OLFM3: variants seen among roughly 807,000 people sequenced by gnomAD.
OLFM3 encodes noelin-3.
Under a neutral mutation model 48.6 loss-of-function variants are expected in OLFM3, and 20 were observed. The ratio of observed to expected loss-of-function variants is 0.41; its 90% confidence interval spans 0.29 to 0.60. The LOEUF (loss-of-function observed/expected upper bound fraction) is 0.60, where lower values mean the gene tolerates loss of function less well. Among genes scored for constraint, OLFM3 ranks in the 20% least tolerant of loss-of-function variants. The pLI, the probability that OLFM3 is intolerant of heterozygous loss-of-function variation, is 0.28. For missense variants in OLFM3, 437 were observed against 544.3 expected, an observed-to-expected ratio of 0.80 and a Z score of 1.96; for synonymous variants, 222 against 198.1, an observed-to-expected ratio of 1.12 and a Z score of -1.01.
At chr1:101,931,322 C>A (rs979638903) in intron 1 of OLFM3, among the ~76,000 whole-genome samples, 7 of 152,162 alleles carry the variant, frequency 4.6e-5, no homozygotes, top group Non-Finnish European at 1.0e-4. Context: ...AGAAATCTAT[C>A]TTGTACTTTC....
At chr1:101,933,796 T>C (rs1659529370) in intron 1 of OLFM3, among the ~76,000 whole-genome samples, 1 of 151,960 alleles carries the variant, frequency 6.6e-6, no homozygotes, top group East Asian at 1.9e-4. Flanking sequence ...AAGAAGAGAC[T>C]GGGGGCCTAT....
At chr1:101,945,570 T>C (rs1312679296) in intron 1 of OLFM3, among the ~76,000 whole-genome samples, 1 of 152,148 alleles carries the variant, frequency 6.6e-6, no homozygotes, top group Non-Finnish European at 1.5e-5. Context: ...TTTTTTTATA[T>C]TGGTGATAGT....
chr1:101,924,230 A>G (rs529071316), intron 1 of OLFM3, among the ~76,000 whole-genome samples: 17 of 152,314 alleles, frequency 1.1e-4, no homozygotes, highest in African/African-American at 4.1e-4. Flanking sequence ...AATTATTTGC[A>G]CAATAGTGGA....
chr1:101,962,569 G>T (rs1660497352), intron 1 of OLFM3, among the ~76,000 whole-genome samples: 1 of 152,102 alleles, frequency 6.6e-6, no homozygotes, highest in Non-Finnish European at 1.5e-5. Flanking sequence ...CTGGCTCCCA[G>T]TGAAAACTCT....
At chr1:101,830,569 A>C in intron 3 of OLFM3, 103 bp downstream of exon 3, 2 of 1,213,034 alleles carry the variant, frequency 1.6e-6, no homozygotes, top group Non-Finnish European at 1.2e-6. Context: ...TTTACCTTGC[A>C]CATATGGGCC....
In OLFM3 at chr1:101,842,288, C is replaced by G. The variant is rs188392758; in HGVS notation, c.70-5263G>C. ...GTGGCTCAGGTCTATAATCCCAACA[C>G]TTTGGGAGGCTGGGGCAGGTGGATG... On this transcript the variant is annotated intron_variant, in intron 1 of 5. Coordinates refer to ENST00000370103, the MANE Select transcript of OLFM3 (RefSeq NM_058170.4). Among the ~76,000 whole-genome samples, 224 of 152,192 alleles carry G rather than the reference C, an allele frequency of 1.5e-3. 2 individuals are homozygous for G. The Middle Eastern group carries it at 0.031, about 21-fold the overall frequency.
intron 1 of OLFM3, among the ~76,000 whole-genome samples, chr1:101,899,184 G>A (rs1025478320): frequency 1.2e-4 from 18 of 152,068 alleles, no homozygotes; most frequent in Admixed American, 8.5e-4. Flanking sequence ...GGGGACGATC[G>A]GCTTTTAAAC....
intron 1 of OLFM3, among the ~76,000 whole-genome samples, chr1:101,952,309 G>A (rs1343313921): frequency 6.6e-6 from 1 of 151,944 alleles, no homozygotes; most frequent in African/African-American, 2.4e-5. Flanking sequence ...TTTTGTTTTA[G>A]TTTCCTAGTA....
chr1:101,820,927 T>C (rs1171141660), intron 4 of OLFM3, among the ~76,000 whole-genome samples: 2 of 152,106 alleles, frequency 1.3e-5, no homozygotes, highest in Non-Finnish European at 2.9e-5. Flanking sequence ...AGTGAAGATG[T>C]CTTTGATGAA....
Position 101,804,349 on chromosome 1 carries a change from G to A in OLFM3, c.1266C>T (p.Ser422=), listed in dbSNP as rs1653653935. The A allele has an allele frequency of 6.2e-7, 1 of 1,612,362 alleles. No individual in the cohort carries two copies. Among genetic ancestry groups the A allele is most frequent in the Non-Finnish European group, 8.5e-7 (1 of 1,178,860 alleles). The change falls in exon 6 of 6, where the codon TCC becomes TCT. Residue 422 remains serine, a synonymous_variant. Transcript: ENST00000370103. This position sits in a 1 kb window ranked among gnomAD's most constrained non-coding sequence, Gnocchi z 4.5. ...GATCTCTTGCATTGTAGTCAAGCAT[G>A]GATATGTGAAAGTATTGGTTATGGA... ...IPFHNQYFHI[S]MLDYNARDRA... is the part of the protein sequence containing the mutation.
intron 1 of OLFM3, among the ~76,000 whole-genome samples, chr1:101,921,874 A>G (rs560649747): frequency 9.9e-5 from 15 of 152,262 alleles, no homozygotes; most frequent in African/African-American, 3.6e-4. Flanking sequence ...CCTGGCCAAC[A>G]TGATGAAACC....
chr1:101,829,382 C>T (rs1655037409), intron 3 of OLFM3, among the ~76,000 whole-genome samples: 1 of 152,160 alleles, frequency 6.6e-6, no homozygotes, highest in Admixed American at 6.6e-5. Context: ...TGATTAATCA[C>T]TTCAGTCCCC....
intron 1 of OLFM3, among the ~76,000 whole-genome samples, chr1:101,933,284 C>G (rs1659512849): frequency 6.8e-6 from 1 of 147,134 alleles, no homozygotes; most frequent in Admixed American, 6.8e-5. Flanking sequence ...TCTGATAGAG[C>G]TGAAAAACTC....
chr1:101,932,730 T>C (rs984295012), intron 1 of OLFM3, among the ~76,000 whole-genome samples: 2 of 152,084 alleles, frequency 1.3e-5, no homozygotes, highest in East Asian at 1.9e-4. Flanking sequence ...ATAATAACTC[T>C]GGTAACTCAA....
intron 1 of OLFM3, among the ~76,000 whole-genome samples, chr1:101,971,967 CTATAATA>C (rs1295116178): frequency 1.3e-5 from 2 of 151,352 alleles, no homozygotes; most frequent in African/African-American, 2.4e-5. Context: ...TTATATATAA[CTATAATA>C]TATAAGTATA....
intron 1 of OLFM3, among the ~76,000 whole-genome samples, chr1:101,864,974 C>A (rs573728564): frequency 6.6e-6 from 1 of 152,202 alleles, no homozygotes; most frequent in African/African-American, 2.4e-5. Flanking sequence ...TTAATGACTT[C>A]TAGCCCATTC....
intron 1 of OLFM3, among the ~76,000 whole-genome samples, chr1:101,866,884 T>C (rs569535610): frequency 1.1e-3 from 167 of 152,320 alleles, no homozygotes; most frequent in African/African-American, 3.5e-3. Context: ...TTACTACATG[T>C]TGTGCCTGAG....
intron 1 of OLFM3, chr1:101,846,825 A>AACCC (rs746267143): frequency 6.9e-6 from 11 of 1,584,596 alleles, no homozygotes; most frequent in Non-Finnish European, 9.5e-6. Flanking sequence ...AAGATGGCCA[A>AACCC]ACCCACCGCA....
intron 4 of OLFM3, among the ~76,000 whole-genome samples, chr1:101,819,213 G>C (rs1048648196): frequency 2.0e-5 from 3 of 152,008 alleles, no homozygotes; most frequent in African/African-American, 7.2e-5. Context: ...AGAAGGTAAA[G>C]AAAGCATGCG....
Sources: allele counts gnomAD v4.1 joint callset (sites outside exome capture counted in the v4.1 genomes callset), GRCh38; gene constraint gnomAD v4.1.1; non-coding constraint Gnocchi (gnomAD v3.1); transcripts MANE v1.5; gene names NCBI Gene and HGNC (gene_info 2026-07-23, HGNC 2026-07-21).